DPP10: variants seen among roughly 807,000 people sequenced by gnomAD.
The protein encoded by DPP10 is dipeptidyl peptidase like 10, also known as inactive dipeptidyl peptidase 10.
DPP10 carries 33 observed loss-of-function variants against 120.9 expected under a neutral mutation model. That is an observed-to-expected ratio of 0.27 (90% CI 0.21 to 0.37). The LOEUF is 0.37. Ranked by LOEUF, DPP10 falls within the 10% of genes least tolerant of loss-of-function variation. DPP10 has a pLI of 1.00. For missense variants in DPP10, 816 were observed against 942.8 expected, an observed-to-expected ratio of 0.87 and a Z score of 1.76; for synonymous variants, 337 against 326.1, an observed-to-expected ratio of 1.03 and a Z score of -0.36.
intron 5 of DPP10, among the ~76,000 whole-genome samples, chr2:115,574,887 G>T (rs1344644289): frequency 6.6e-6 from 1 of 152,176 alleles, no homozygotes; most frequent in Non-Finnish European, 1.5e-5. Context: ...TGCTGTGCCA[G>T]ACCCAGTTTG....
Position 114,851,824 on chromosome 2 carries a change from C to T in DPP10, c.60+408986C>T, listed in dbSNP as rs150782280. 1.2e-4 allele frequency among the ~76,000 whole-genome samples: 18 copies of T among 152,260 alleles called. No individual in the cohort carries two copies. The East Asian group carries it at 2.1e-3, about 18-fold the overall frequency. On this transcript the variant is annotated intron_variant, in intron 1 of 25. Coordinates refer to ENST00000410059, the MANE Select transcript of DPP10 (RefSeq NM_020868.6). ...TGTCTGTAACTAGCACAGTTGCACACGCATTGCAAGGAGACTTGAGGACCC... is the reference window on the plus strand; with the variant it reads ...TGTCTGTAACTAGCACAGTTGCACATGCATTGCAAGGAGACTTGAGGACCC...
At chr2:114,838,374 G>T (rs1355492191) in intron 1 of DPP10, among the ~76,000 whole-genome samples, 2 of 152,036 alleles carry the variant, frequency 1.3e-5, no homozygotes, top group African/African-American at 4.8e-5. Context: ...CTGGAGTGCA[G>T]TGTCACTTGG....
chr2:115,573,088 A>G (rs909560603), intron 5 of DPP10, among the ~76,000 whole-genome samples: 1 of 152,180 alleles, frequency 6.6e-6, no homozygotes, highest in Non-Finnish European at 1.5e-5. Context: ...CAAAAATGTT[A>G]GCATGATGAA....
At chr2:115,408,247 A>T (rs1280842320) in intron 3 of DPP10, among the ~76,000 whole-genome samples, 1 of 152,068 alleles carries the variant, frequency 6.6e-6, no homozygotes, top group South Asian at 2.1e-4. Flanking sequence ...GGAACAGGAG[A>T]GGCCAGGCTC....
At chr2:115,436,895 T>G (rs2071548658) in intron 3 of DPP10, among the ~76,000 whole-genome samples, 1 of 151,956 alleles carries the variant, frequency 6.6e-6, no homozygotes, top group African/African-American at 2.4e-5. Flanking sequence ...ACCCCAATAA[T>G]AATTAATATT....
intron 1 of DPP10, among the ~76,000 whole-genome samples, chr2:115,146,872 C>A (rs1401303063): frequency 6.6e-6 from 1 of 152,050 alleles, no homozygotes; most frequent in African/African-American, 2.4e-5. Flanking sequence ...GAAAGTGGAC[C>A]CTCGCCAGAC....
chr2:115,429,004 G>A (rs1425711147), intron 3 of DPP10, among the ~76,000 whole-genome samples: 1 of 151,852 alleles, frequency 6.6e-6, no homozygotes, highest in Non-Finnish European at 1.5e-5. Flanking sequence ...ATTATATCAG[G>A]TAGCGACATA....
chr2:115,253,080 G>T (rs1040287989), intron 1 of DPP10, among the ~76,000 whole-genome samples: 1 of 152,154 alleles, frequency 6.6e-6, no homozygotes, highest in Non-Finnish European at 1.5e-5. Context: ...CATCTGGTTG[G>T]CTTCTGGGGA....
chr2:114,852,203 G>C (rs182730054), intron 1 of DPP10, among the ~76,000 whole-genome samples: 3 of 101,124 alleles, frequency 3.0e-5, no homozygotes, highest in Non-Finnish European at 5.4e-5. Context: ...TACAACCCTA[G>C]TCTCTTTACT....
chr2:115,610,363 A>G (rs897267520), intron 5 of DPP10, among the ~76,000 whole-genome samples: 2 of 152,020 alleles, frequency 1.3e-5, no homozygotes, highest in South Asian at 4.1e-4. Flanking sequence ...TGTTATATTC[A>G]CAGTATACTA....
rs966594810 is a variant in DPP10, at chr2:115,007,981, T to G, written c.61-301258T>G. On this transcript the variant is annotated intron_variant, in intron 1 of 25. Coordinates refer to ENST00000410059, the MANE Select transcript of DPP10 (RefSeq NM_020868.6). ...TGCTGATGGATAGGAAGAATCAATA[T>G]CGTGAAAATGGCCATACTGCCCAAG... Among the ~76,000 whole-genome samples the G allele has an allele frequency of 1.1e-4, 16 of 151,946 alleles. 1 individual carries two copies. Among genetic ancestry groups the G allele is most frequent in the Admixed American group, 3.3e-4 (5 of 15,248 alleles).
At chr2:115,730,385 T>G (rs73950507) in intron 8 of DPP10, among the ~76,000 whole-genome samples, 1 of 152,078 alleles carries the variant, frequency 6.6e-6, no homozygotes, top group African/African-American at 2.4e-5. Flanking sequence ...GTGGCAGACA[T>G]AGTGAGCAAG....
chr2:114,461,795 A>T, intron 1 of DPP10: 1 of 985,430 alleles, frequency 1.0e-6, no homozygotes, highest in Non-Finnish European at 1.2e-6. Context: ...GAGAAATAAT[A>T]TACACAAGTA....
intron 1 of DPP10, among the ~76,000 whole-genome samples, chr2:114,531,925 G>A (rs1686023159): frequency 6.6e-6 from 1 of 151,896 alleles, no homozygotes; most frequent in Non-Finnish European, 1.5e-5. Context: ...ATATGAATGG[G>A]TAGACAGCAT....
chr2:114,990,433 C>G (rs1700691758), intron 1 of DPP10, among the ~76,000 whole-genome samples: 1 of 151,984 alleles, frequency 6.6e-6, no homozygotes, highest in Non-Finnish European at 1.5e-5. Context: ...CTCTTTTCAG[C>G]CATCTATCTA....
intron 1 of DPP10, among the ~76,000 whole-genome samples, chr2:114,871,256 G>A (rs1214483087): frequency 2.4e-5 from 2 of 82,570 alleles, no homozygotes; most frequent in African/African-American, 7.2e-5. Context: ...TTGGGGGAAA[G>A]AACACTGAAG....
intron 1 of DPP10, among the ~76,000 whole-genome samples, chr2:114,675,524 A>G (rs1203495137): frequency 6.6e-6 from 1 of 152,154 alleles, no homozygotes; most frequent in African/African-American, 2.4e-5. Context: ...CTGTCTTCCA[A>G]ACACATGTAA....
At chr2:115,674,242 G>GTCAA (rs1553476353) in intron 5 of DPP10, among the ~76,000 whole-genome samples, 2 of 148,890 alleles carry the variant, frequency 1.3e-5, no homozygotes, top group African/African-American at 4.9e-5. Context: ...AAATAAATGA[G>GTCAA]TAAATAAATA....
chr2:115,749,158 A>G (rs971667385), intron 10 of DPP10, among the ~76,000 whole-genome samples: 6 of 152,190 alleles, frequency 3.9e-5, no homozygotes, highest in Admixed American at 2.0e-4. Context: ...AGGTATTGCA[A>G]TCACACAATA....
Sources: gnomAD v4.1 joint callset for allele counts (sites outside exome capture counted in the v4.1 genomes callset) on GRCh38, gnomAD v4.1.1 for gene constraint, MANE v1.5 for transcripts, NCBI Gene and HGNC (gene_info 2026-07-23, HGNC 2026-07-21) for gene names.